CASKIN1: variants seen among roughly 807,000 people sequenced by gnomAD.
CASKIN1 encodes the protein CASK interacting protein 1.
A neutral mutation model predicts 117.5 loss-of-function variants in CASKIN1; 42 were observed. The ratio of observed to expected loss-of-function variants is 0.36; its 90% CI spans 0.28 to 0.46. The LOEUF is 0.46. Ranked by LOEUF, CASKIN1 falls within the 20% of genes least tolerant of loss-of-function variation. CASKIN1 has a pLI of 1.00. For missense variants in CASKIN1, 2,083 were observed against 2,077.3 expected (o/e 1.00, Z -0.05); for synonymous variants, 1,148 against 961.7 (o/e 1.19, Z -3.59).
intron 17 of CASKIN1, 74 bp downstream of exon 17, chr16:2,181,717 C>T: frequency 7.3e-7 from 1 of 1,373,678 alleles, no homozygotes; most frequent in South Asian, 1.2e-5. Context: ...GGGGCTGGGG[C>T]TGGGCTGGTG....
Position 2,179,261 on chromosome 16 carries a change from C to A in CASKIN1, c.3840G>T (p.Ala1280=). The change falls in exon 19 of 20, where the codon GCG becomes GCT. Residue 1280 remains alanine, a synonymous_variant. Transcript: ENST00000343516. This position sits in a 1 kb window ranked among gnomAD's most constrained non-coding sequence, Gnocchi z 5.8. The part of the protein sequence containing the change: ...VSPKPPPPPT[A]PKPVKAVAGL... ...CCGCGACCGCCTTGACGGGCTTGGG[C>A]GCTGTGGGCGGCGGCGGCGGCTTGG... 3 of 1,210,424 alleles carry A rather than the reference C, an allele frequency of 2.5e-6. No individual in the cohort carries two copies. The highest frequency in any genetic ancestry group is 2.1e-6 in the Non-Finnish European group (2 of 974,896). The allele number at this position is 1,210,424 out of a possible 1,614,324, so 75.0% of individuals were successfully genotyped here. A position where few individuals can be genotyped will look rare whatever the true frequency, so the allele number is the denominator to read the frequency against.
rs2093188227 is a variant in CASKIN1 at position 2,187,436 on chromosome 16, T to C, written c.643A>G (p.Ile215Val). 1 of 1,607,980 alleles carries C rather than the reference T, an allele frequency of 6.2e-7. No individual in the cohort carries two copies. Among genetic ancestry groups the C allele is most frequent in the Non-Finnish European group, 8.5e-7 (1 of 1,179,770 alleles). The change falls in exon 7 of 20, where the codon ATT becomes GTT. Residue 215 changes from isoleucine (I) to valine (V), a missense_variant. Physicochemically the swap from Ile to Val is conservative, Grantham distance 29 (BLOSUM62 3). Around this residue, in one of 3 missense-constraint regions of CASKIN1, gnomAD observed 203 missense variants for 338.7 expected, o/e 0.60. Transcript: ENST00000343516. ...GTGCCGGACTTGGTCTGGCGGTTAATGTCGATGCCGGCTTGGAGGAGGAGC... is the reference window on the plus strand; with the variant it reads ...GTGCCGGACTTGGTCTGGCGGTTAACGTCGATGCCGGCTTGGAGGAGGAGC... ...IRLLLQAGID[I>V]NRQTKSGTAL...
Position 2,189,422 on chromosome 16 carries a change from A to G in CASKIN1, c.387T>C (p.Asp129=), listed in dbSNP as rs1216570205. Residue 129 remains aspartate, a synonymous_variant, in exon 4 of 20, where the codon GAT becomes GAC. Transcript: ENST00000343516. ...LHLAAQHGHY[D]VSEMLLQHQS... ...CCCGCCCCCGCTCGGGCCTCACCACATCATAGTGACCATGCTGGGCCGCCA... is the reference window on the plus strand; with the variant it reads ...CCCGCCCCCGCTCGGGCCTCACCACGTCATAGTGACCATGCTGGGCCGCCA... 1 of 1,611,158 alleles carries G rather than the reference A, an allele frequency of 6.2e-7. No individual in the cohort carries two copies. Among genetic ancestry groups the G allele is most frequent in the African/African-American group, 1.3e-5 (1 of 74,790 alleles).
Position 2,181,067 on chromosome 16 carries a change from G to T in CASKIN1, c.2301C>A (p.Leu767=). 1 of 1,490,222 alleles carries T rather than the reference G, an allele frequency of 6.7e-7. No homozygotes were observed. 92.3% of individuals were successfully genotyped at this position (1,490,222 alleles called of 1,614,324 possible). A position where few individuals can be genotyped will look rare whatever the true frequency, so the allele number is the denominator to read the frequency against. ...PPVPGKPRQV[L]PPGTSHFTPP... is the part of the protein sequence containing the mutation. ...GCGTGAAGTGGCTAGTGCCTGGTGG[G>T]AGGACCTGCCGTGGCTTGCCAGGCA... The change falls in exon 18 of 20, where the codon CTC becomes CTA. Residue 767 remains leucine, a synonymous_variant. Transcript: ENST00000343516.
intron 1 of CASKIN1, among the ~76,000 whole-genome samples, chr16:2,195,465 T>C (rs1461856191): frequency 6.6e-6 from 1 of 152,166 alleles, no homozygotes; most frequent in African/African-American, 2.4e-5. Flanking sequence ...CGGCTATACG[T>C]GCGCAGCCGC....
In CASKIN1 at chr16:2,180,568, G is replaced by T; in HGVS notation, c.2800C>A (p.Gln934Lys). The change falls in exon 18 of 20, where the codon CAG becomes AAG. Residue 934 changes from glutamine to lysine, a missense_variant. By Grantham distance (53) the Gln-to-Lys change is moderately conservative (BLOSUM62 1). Coordinates refer to ENST00000343516, the MANE Select transcript of CASKIN1 (RefSeq NM_020764.4). ...AGADKNVNRS[Q>K]SFAVRPRKKG... is the part of the protein sequence containing the mutation. ...TTTCGGGGCCGCACGGCAAAGGACT[G>T]GCTGCGGTTGACGTTCTTGTCGGCA... 1 of 1,563,796 alleles carries T rather than the reference G, an allele frequency of 6.4e-7. No individual in the cohort carries two copies. Among genetic ancestry groups the T allele is most frequent in the Non-Finnish European group, 8.6e-7 (1 of 1,161,608 alleles).
intron 10 of CASKIN1, among the ~76,000 whole-genome samples, chr16:2,186,433 G>T (rs2093184752): frequency 6.6e-6 from 1 of 152,182 alleles, no homozygotes; most frequent in Admixed American, 6.5e-5. Context: ...CCTGCCCCAG[G>T]ACGAGCTCCT....
At chr16:2,190,945 C>G (rs574620227) in intron 1 of CASKIN1, among the ~76,000 whole-genome samples, 17 of 152,176 alleles carry the variant, frequency 1.1e-4, no homozygotes, top group Non-Finnish European at 2.2e-4. Flanking sequence ...CAACCTCACG[C>G]GAACGGCTGC....
In CASKIN1 at chr16:2,184,873, G is replaced by T. The variant is rs532012457; in HGVS notation, c.1325-5C>A. 1 of 1,574,440 alleles carries T rather than the reference G, an allele frequency of 6.4e-7. No homozygotes were observed. Among genetic ancestry groups the T allele is most frequent in the South Asian group, 1.1e-5 (1 of 87,464 alleles). On this transcript the variant is annotated splice_polypyrimidine_tract_variant and splice_region_variant and intron_variant, in intron 13 of 19. Coordinates refer to ENST00000343516, the MANE Select transcript of CASKIN1 (RefSeq NM_020764.4). ...GAGGCTGGGACCGGGCCACACCTGA[G>T]GACGAGAGTGGGTGGGGGACAAGGG... is the stretch of plus-strand genomic sequence containing the variant.
In CASKIN1 at chr16:2,182,568, A is replaced by C. The variant is rs1161161877; in HGVS notation, c.1630-639T>G. Among the ~76,000 whole-genome samples, 1 of 152,280 alleles carries C rather than the reference A, an allele frequency of 6.6e-6. No homozygotes were observed. The highest frequency in any genetic ancestry group is 1.9e-4 in the East Asian group (1 of 5,174). On this transcript the variant is annotated intron_variant, in intron 16 of 19. Coordinates refer to ENST00000343516, the MANE Select transcript of CASKIN1 (RefSeq NM_020764.4). This position sits in a 1 kb window ranked among gnomAD's most constrained non-coding sequence, Gnocchi z 4.1. ...CCAGGTGCGCGGCAAGGCCCGTGGGACCCGGACCTGACCCCTAGGAGGATC... is the reference window on the plus strand; with the variant it reads ...CCAGGTGCGCGGCAAGGCCCGTGGGCCCCGGACCTGACCCCTAGGAGGATC...
intron 10 of CASKIN1, among the ~76,000 whole-genome samples, chr16:2,186,238 G>T (rs1383158004): frequency 6.6e-6 from 1 of 152,174 alleles, no homozygotes; most frequent in Non-Finnish European, 1.5e-5. Flanking sequence ...CAAAGTGTTG[G>T]GATGACAGGC....
Position 2,179,029 on chromosome 16 carries a change from C to CGG in CASKIN1, c.4070_4071dup (p.Ala1358ProfsTer93). Reference sequence around the variant, plus strand: ...CCTGGCGAGGCGCCTTCGGGCGGGGCGGGGGGCGCGGCGGCGGCGGCGGCG... The same window carrying CGG: ...CCTGGCGAGGCGCCTTCGGGCGGGGCGGGGGGGGCGCGGCGGCGGCGGCGGCG... On this transcript the variant is annotated frameshift_variant, in exon 19 of 20. Transcript: ENST00000343516. LOFTEE classifies it high-confidence loss of function. The surrounding 1 kb of genome is among the most constrained non-coding windows in gnomAD (Gnocchi z 5.8). The CGG allele has an allele frequency of 8.7e-7, 1 of 1,145,168 alleles. No homozygotes were observed. The highest frequency in any genetic ancestry group is 1.1e-6 in the Non-Finnish European group (1 of 933,276). The allele number at this position is 1,145,168 out of a possible 1,614,324, so 70.9% of individuals were successfully genotyped here.
chr16:2,178,359 G>A lies in CASKIN1; in HGVS notation c.*191C>T, dbSNP rs1314500415. On this transcript the variant is annotated 3_prime_UTR_variant, in exon 20 of 20. Coordinates refer to ENST00000343516, the MANE Select transcript of CASKIN1 (RefSeq NM_020764.4). ...GGGAGGACCCGCGGGCGCAGGGTCT[G>A]CCTAGAGCCCTTGGAGCCCCCGGCC... 5 of 468,408 alleles carry A rather than the reference G, an allele frequency of 1.1e-5. No homozygotes were observed. The highest frequency in any genetic ancestry group is 8.8e-5 in the Admixed American group (2 of 22,710). The allele number at this position is 468,408 out of a possible 1,614,324, so 29.0% of individuals were successfully genotyped here.
In CASKIN1 at chr16:2,181,517, G is replaced by C; in HGVS notation, c.1851C>G (p.Pro617=). The C allele has an allele frequency of 6.2e-7, 1 of 1,608,038 alleles. No individual in the cohort carries two copies. Among genetic ancestry groups the C allele is most frequent in the Non-Finnish European group, 8.5e-7 (1 of 1,178,614 alleles). ...KAEYAKYEGG[P]LRRKAPQSLE... is the part of the protein sequence containing the mutation. ...GAGACTGGGGCGCCTTCCGGCGCAG[G>C]GGGCCCCCCTCATACTTGGCGTATT... The change falls in exon 18 of 20, where the codon CCC becomes CCG. Residue 617 remains proline (P), a synonymous_variant. Coordinates refer to ENST00000343516, the MANE Select transcript of CASKIN1 (RefSeq NM_020764.4).
Position 2,187,197 on chromosome 16 carries a change from C to T in CASKIN1, c.804G>A (p.Gln268=), listed in dbSNP as rs1256197038. 2 of 1,613,922 alleles carry T rather than the reference C, an allele frequency of 1.2e-6. No homozygotes were observed. Among genetic ancestry groups the T allele is most frequent in the Non-Finnish European group, 1.7e-6 (2 of 1,179,988 alleles). ...ACAGCTGCTTGATCTCCCTGCTGGC[C>T]TGGGACGTGGTGAACTGGTGCACGA... ...LDIVHQFTTS[Q]ASREIKQLLR... is the part of the protein sequence containing the mutation. The change falls in exon 8 of 20, where the codon CAG becomes CAA. Residue 268 remains glutamine (Q), a synonymous_variant. Transcript: ENST00000343516.
chr16:2,196,457 C>G lies in CASKIN1; in HGVS notation c.-25G>C. On this transcript the variant is annotated 5_prime_UTR_variant, in exon 1 of 20. Transcript: ENST00000343516. The surrounding 1 kb of genome is among the most constrained non-coding windows in gnomAD (Gnocchi z 5.7). ...TGGCGCGGCCGGGGCCGCAGCGACG[C>G]GGCTGCGCTCGTGAGCTCGGCGCGG... 8.5e-7 allele frequency: 1 copy of G among 1,170,740 alleles called. No individual in the cohort carries two copies. The highest frequency in any genetic ancestry group is 2.2e-5 in the South Asian group (1 of 45,714). The allele number at this position is 1,170,740 out of a possible 1,614,324, so 72.5% of individuals were successfully genotyped here. A position where few individuals can be genotyped will look rare whatever the true frequency, so the allele number is the denominator to read the frequency against.
chr16:2,179,144 G>A lies in CASKIN1; in HGVS notation c.3957C>T (p.Pro1319=). The A allele has an allele frequency of 9.5e-7, 1 of 1,056,506 alleles. No individual in the cohort carries two copies. Among genetic ancestry groups the A allele is most frequent in the South Asian group, 4.4e-5 (1 of 22,730 alleles). The allele number at this position is 1,056,506 out of a possible 1,614,324, so 65.4% of individuals were successfully genotyped here. ...GCTTGGCGGGGCTGGCGCCCAGCGA[G>A]GGCGGCGTACCGGGCGGCTTGGCGA... The part of the protein sequence containing the change: ...AALAKPPGTP[P]SLGASPAKPP... The change falls in exon 19 of 20, where the codon CCC becomes CCT. Residue 1319 remains proline (P), a synonymous_variant. Coordinates refer to ENST00000343516, the MANE Select transcript of CASKIN1 (RefSeq NM_020764.4). This position sits in a 1 kb window ranked among gnomAD's most constrained non-coding sequence, Gnocchi z 5.8.
chr16:2,187,489 GGGCCTTCCA>G (rs779338505), intron 6 of CASKIN1, 28 bp from the exon 7 acceptor site: 51 of 1,581,838 alleles, frequency 3.2e-5, no homozygotes, highest in Non-Finnish European at 4.2e-5. Flanking sequence ...TGGACAGGCG[GGGCCTTCCA>G]GCAGGAGGCC....
chr16:2,183,585 C>T (rs921411774), intron 16 of CASKIN1, 61 bp downstream of exon 16: 3 of 1,507,852 alleles, frequency 2.0e-6, no homozygotes, highest in Non-Finnish European at 2.7e-6. Context: ...GAGGCAGGTT[C>T]TCTGTCTGTC....
Sources: gnomAD v4.1 joint callset for allele counts (sites outside exome capture counted in the v4.1 genomes callset) on GRCh38, gnomAD v4.1.1 for gene constraint, gnomAD v4.1.1 regional missense constraint, Gnocchi (gnomAD v3.1) non-coding constraint, MANE v1.5 for transcripts, NCBI Gene and HGNC (gene_info 2026-07-23, HGNC 2026-07-21) for gene names.